The following WSCD2 variants were observed in gnomAD, a reference collection of about 807,000 sequenced individuals.
WSCD2 encodes the protein WSC domain sialate O sulfotransferase 2.
WSCD2 carries 28 observed loss-of-function variants against 55.7 expected under a neutral mutation model. The observed-to-expected ratio is 0.50, with a 90% confidence interval of 0.37 to 0.69. WSCD2 has a LOEUF of 0.69. Among genes scored for constraint, WSCD2 ranks in the 30% least tolerant of loss-of-function variants. The probability of loss-of-function intolerance (pLI) is 0.00; values close to 1 mark genes in which losing one functional copy is unlikely to be tolerated. For missense variants in WSCD2, 616 were observed against 762.1 expected (o/e 0.81, Z 2.26); for synonymous variants, 301 against 301.9 (o/e 1.00, Z 0.03).
chr12:108,179,920 G>C (rs1881451006), intron 1 of WSCD2, among the ~76,000 whole-genome samples: 1 of 152,046 alleles, frequency 6.6e-6, no homozygotes, highest in African/African-American at 2.4e-5. Flanking sequence ...GCAGGTGCCT[G>C]TAATCCCAGC....
At chr12:108,246,818 G>A (rs1431960138) in intron 8 of WSCD2, among the ~76,000 whole-genome samples, 1 of 152,116 alleles carries the variant, frequency 6.6e-6, no homozygotes, top group Non-Finnish European at 1.5e-5. Context: ...ACAGAAGTGG[G>A]GGGTTTCTGC....
intron 4 of WSCD2, among the ~76,000 whole-genome samples, chr12:108,218,563 C>T (rs192307617): frequency 6.6e-6 from 1 of 152,198 alleles, no homozygotes; most frequent in Non-Finnish European, 1.5e-5. Flanking sequence ...GAGGGCACAG[C>T]GCTTGGCCAA....
chr12:108,213,706 A>C (rs1410446275), intron 4 of WSCD2, among the ~76,000 whole-genome samples: 1 of 152,208 alleles, frequency 6.6e-6, no homozygotes, highest in East Asian at 1.9e-4. Flanking sequence ...CCTGGTGCCT[A>C]TTGCAGGAAA....
At chr12:108,241,628 G>C (rs941027491) in intron 8 of WSCD2, among the ~76,000 whole-genome samples, 2 of 152,196 alleles carry the variant, frequency 1.3e-5, no homozygotes, top group Non-Finnish European at 2.9e-5. Flanking sequence ...CAGTCCTGCT[G>C]TACAACATAG....
At chr12:108,202,228 G>A (rs953405076) in intron 2 of WSCD2, among the ~76,000 whole-genome samples, 3 of 152,118 alleles carry the variant, frequency 2.0e-5, no homozygotes, top group African/African-American at 7.2e-5. Context: ...GTGGGAAAGG[G>A]GTCACCAGAT....
chr12:108,201,358 A>T (rs1044472634), intron 2 of WSCD2, among the ~76,000 whole-genome samples: 3 of 152,062 alleles, frequency 2.0e-5, no homozygotes, highest in Non-Finnish European at 4.4e-5. Flanking sequence ...TCATATAGCC[A>T]TCTTGTTATA....
intron 1 of WSCD2, among the ~76,000 whole-genome samples, chr12:108,187,895 G>A (rs572762208): frequency 6.6e-6 from 1 of 152,192 alleles, no homozygotes; most frequent in South Asian, 2.1e-4. Context: ...TTTCCTCTCC[G>A]TGGCCATTCC....
chr12:108,133,977 G>T (rs1875896994), intron 1 of WSCD2, among the ~76,000 whole-genome samples: 1 of 152,194 alleles, frequency 6.6e-6, no homozygotes, highest in African/African-American at 2.4e-5. Context: ...GAAATTGCCC[G>T]AGATTAATGG....
Position 108,195,743 on chromosome 12 carries a change from C to G in WSCD2, c.-90C>G. 4 of 1,504,648 alleles carry G rather than the reference C, an allele frequency of 2.7e-6. No homozygotes were observed. Among genetic ancestry groups the G allele is most frequent in the Non-Finnish European group, 3.6e-6 (4 of 1,123,888 alleles). The allele number at this position is 1,504,648 out of a possible 1,614,324, so 93.2% of individuals were successfully genotyped here. Reference sequence around the variant, plus strand: ...ACTGAGGACCCCCAAGTGTTCCATCCCTAAGGAAAGCTTGGGAAACCAAGC... The same window carrying G: ...ACTGAGGACCCCCAAGTGTTCCATCGCTAAGGAAAGCTTGGGAAACCAAGC... On this transcript the variant is annotated 5_prime_UTR_variant, in exon 2 of 9. Coordinates refer to ENST00000547525, the MANE Select transcript of WSCD2 (RefSeq NM_014653.4).
At chr12:108,141,936 A>G (rs754670549) in intron 1 of WSCD2, among the ~76,000 whole-genome samples, 9 of 152,234 alleles carry the variant, frequency 5.9e-5, no homozygotes, top group Admixed American at 2.6e-4. Context: ...ATGGGAGCCT[A>G]TTGAAATCCC....
intron 1 of WSCD2, among the ~76,000 whole-genome samples, chr12:108,159,904 G>T (rs933801261): frequency 1.3e-5 from 2 of 152,212 alleles, no homozygotes; most frequent in Non-Finnish European, 2.9e-5. Flanking sequence ...ACTGTTGAGG[G>T]TATTTCTGGC....
At position 108,232,717 on chromosome 12, in the gene WSCD2, T is replaced by C. The variant is rs1282468156; in HGVS notation, c.980-14T>C. ...CCCTGGTGTTGACCTCTGTCCATGC[T>C]CCGCCCTTTTCAGACAACCGTTGCA... On this transcript the variant is annotated splice_polypyrimidine_tract_variant and intron_variant, in intron 6 of 8. Transcript: ENST00000547525. 2 of 1,604,720 alleles carry C rather than the reference T, an allele frequency of 1.2e-6. No individual in the cohort carries two copies. The highest frequency in any genetic ancestry group is 1.7e-6 in the Non-Finnish European group (2 of 1,174,810).
At chr12:108,152,735 T>A (rs1474307288) in intron 1 of WSCD2, among the ~76,000 whole-genome samples, 2 of 152,100 alleles carry the variant, frequency 1.3e-5, no homozygotes, top group Non-Finnish European at 2.9e-5. Context: ...CCAGAACCAA[T>A]CTATATGCTA....
intron 1 of WSCD2, among the ~76,000 whole-genome samples, chr12:108,136,924 G>A (rs1183013642): frequency 6.6e-6 from 1 of 152,200 alleles, no homozygotes; most frequent in Admixed American, 6.5e-5. Context: ...TGAGGCTGAG[G>A]CTGGGCAGGC....
chr12:108,144,808 C>A (rs1592879445), intron 1 of WSCD2, among the ~76,000 whole-genome samples: 1 of 152,180 alleles, frequency 6.6e-6, no homozygotes, highest in African/African-American at 2.4e-5. Context: ...TTTACTCCCC[C>A]AGCAGCCCTG....
At chr12:108,239,407 C>T (rs1008651631) in intron 7 of WSCD2, among the ~76,000 whole-genome samples, 2 of 152,222 alleles carry the variant, frequency 1.3e-5, no homozygotes, top group Non-Finnish European at 2.9e-5. Flanking sequence ...TGCCCACCTC[C>T]AGGCTGCAGG....
chr12:108,208,240 C>T (rs184532270), intron 3 of WSCD2, among the ~76,000 whole-genome samples: 93 of 152,282 alleles, frequency 6.1e-4, no homozygotes, highest in Non-Finnish European at 1.1e-3. Context: ...AATAGAATAA[C>T]AACAGTTTAT....
At chr12:108,175,253 C>T (rs1242574667) in intron 1 of WSCD2, among the ~76,000 whole-genome samples, 1 of 152,206 alleles carries the variant, frequency 6.6e-6, no homozygotes, top group Non-Finnish European at 1.5e-5. Context: ...ATCAAAGAAG[C>T]ACCTGGCCCA....
rs376465386 is a variant in WSCD2 at position 108,134,494 on chromosome 12, T to G, written c.-552+4568T>G. Reference sequence around the variant, plus strand: ...AATGGGCACATGTTAAGCCCAGACCTTGGTGAAGGGATGAGTCCAGCCAGT... The same window carrying G: ...AATGGGCACATGTTAAGCCCAGACCGTGGTGAAGGGATGAGTCCAGCCAGT... On this transcript the variant is annotated intron_variant, in intron 1 of 8. Transcript: ENST00000547525. Among the ~76,000 whole-genome samples the G allele has an allele frequency of 9.2e-5, 14 of 152,238 alleles. No individual in the cohort carries two copies. The South Asian group carries it at 1.0e-3, about 11-fold the overall frequency.
Sources: allele counts gnomAD v4.1 joint callset (sites outside exome capture counted in the v4.1 genomes callset), GRCh38; gene constraint gnomAD v4.1.1; transcripts MANE v1.5; gene names NCBI Gene and HGNC (gene_info 2026-07-23, HGNC 2026-07-21).